The following KRT74 variants were observed in gnomAD, a reference collection of about 807,000 sequenced individuals.
KRT74 encodes the protein keratin, type II cytoskeletal 74.
Under a neutral mutation model 42.7 loss-of-function variants are expected in KRT74, and 43 were observed. The observed-to-expected ratio is 1.01, with a 90% CI of 0.79 to 1.30. The LOEUF is 1.30. Among genes scored for constraint, KRT74 ranks in the 50% most tolerant of loss-of-function variants. The pLI is 0.00. For synonymous variants in KRT74, 302 were observed against 279.0 expected (o/e 1.08, Z -0.82); for missense variants, 736 against 689.1 (o/e 1.07, Z -0.76).
At position 52,566,929 on chromosome 12, in the gene KRT74, A is replaced by G. The variant is rs537034982; in HGVS notation, c.*40T>C. The G allele has an allele frequency of 1.8e-4, 283 of 1,574,914 alleles. 4 individuals carry two copies. The South Asian group carries it at 3.1e-3, about 17-fold the overall frequency. On this transcript the variant is annotated 3_prime_UTR_variant, in exon 9 of 9. Transcript: ENST00000305620. ...AGACACCTTTGGGGGTGGCAAAGTCACCTCTTCTTCCAAGTGCTGAGGTGG... is the reference window on the plus strand; with the variant it reads ...AGACACCTTTGGGGGTGGCAAAGTCGCCTCTTCTTCCAAGTGCTGAGGTGG...
rs771224923 is a variant in KRT74, at chr12:52,573,610, A to G, written c.168T>C (p.Asn56=). Residue 56 remains asparagine (N), a synonymous_variant, in exon 1 of 9, where the codon AAT becomes AAC. Coordinates refer to ENST00000305620, the MANE Select transcript of KRT74 (RefSeq NM_175053.4). ...GSRSLYSLGG[N]RRISFNVAGG... is the part of the protein sequence containing the mutation. ...CAGCCACATTGAAAGAAATACGCCG[A>G]TTCCCTCCAAGGCTATAGAGGCTCC... 9 of 1,614,036 alleles carry G rather than the reference A, an allele frequency of 5.6e-6. No individual in the cohort carries two copies. Among genetic ancestry groups the G allele is most frequent in the Non-Finnish European group, 7.6e-6 (9 of 1,180,044 alleles).
chr12:52,572,926 G>T (rs926952927), intron 1 of KRT74, among the ~76,000 whole-genome samples: 5 of 152,184 alleles, frequency 3.3e-5, no homozygotes, highest in African/African-American at 1.2e-4. Flanking sequence ...GGTCCCAGGA[G>T]ATGTCCTTCC....
At chr12:52,569,040 A>G (rs1939427597) in intron 6 of KRT74, among the ~76,000 whole-genome samples, 1 of 152,184 alleles carries the variant, frequency 6.6e-6, no homozygotes, top group African/African-American at 2.4e-5. Flanking sequence ...GGCCAAATGT[A>G]GAGTCGTAGA....
At position 52,566,917 on chromosome 12, in the gene KRT74, G is replaced by A; in HGVS notation, c.*52C>T. The stretch of plus-strand genomic sequence containing the variant: ...CTTGGGTGTGGCAGACACCTTTGGG[G>A]GTGGCAAAGTCACCTCTTCTTCCAA... On this transcript the variant is annotated 3_prime_UTR_variant, in exon 9 of 9. Transcript: ENST00000305620. The A allele has an allele frequency of 6.6e-7, 1 of 1,526,700 alleles. No homozygotes were observed. The highest frequency in any genetic ancestry group is 1.7e-5 in the Admixed American group (1 of 57,342). The allele number at this position is 1,526,700 out of a possible 1,614,324, so 94.6% of individuals were successfully genotyped here.
intron 1 of KRT74, 103 bp downstream of exon 1, chr12:52,573,204 C>T (rs539866145): frequency 3.2e-4 from 380 of 1,170,498 alleles, no homozygotes; most frequent in Non-Finnish European, 4.6e-4. Flanking sequence ...CTTCCTGAGG[C>T]CCAGCTGCAC....
Position 52,567,055 on chromosome 12 carries a change from T to C in KRT74, c.1504A>G (p.Thr502Ala). 1.9e-6 allele frequency: 3 copies of C among 1,598,308 alleles called. No individual in the cohort carries two copies. Among genetic ancestry groups the C allele is most frequent in the Non-Finnish European group, 2.6e-6 (3 of 1,169,284 alleles). ...SGSTQSGQTK[T>A]TEARGGDLKD... is the part of the protein sequence containing the mutation. ...AGGTCTCCCCCTCGCGCCTCTGTGG[T>C]CTTGGTCTGCCCGCTCTGGGTGCTG... Residue 502 changes from threonine to alanine, a missense_variant, in exon 9 of 9, where the codon ACC becomes GCC. Transcript: ENST00000305620.
rs754032340 is a variant in KRT74 at position 52,573,317 on chromosome 12, A to T, written c.461T>A (p.Phe154Tyr). The T allele has an allele frequency of 5.6e-6, 9 of 1,614,086 alleles. No individual in the cohort carries two copies. Among genetic ancestry groups the T allele is most frequent in the Middle Eastern group, 1.6e-4 (1 of 6,062 alleles). Residue 154 changes from phenylalanine (F) to tyrosine (Y), a missense_variant, in exon 1 of 9, where the codon TTC (phenylalanine) becomes TAC (tyrosine). Coordinates refer to ENST00000305620, the MANE Select transcript of KRT74 (RefSeq NM_175053.4). ...TCCTATGAGACCCACCTTGTCAATGAAGGAGGCGAACTTGTCGTTCAGCAC... is the reference window on the plus strand; with the variant it reads ...TCCTATGAGACCCACCTTGTCAATGTAGGAGGCGAACTTGTCGTTCAGCAC... ...IKVLNDKFAS[F>Y]IDKVRFLEQQ...
intron 8 of KRT74, 84 bp from the exon 9 acceptor site, chr12:52,567,252 T>C: frequency 9.2e-6 from 11 of 1,192,756 alleles, no homozygotes; most frequent in Non-Finnish European, 1.3e-5. Context: ...CCCCAAGGGC[T>C]TCTCCACAAC....
chr12:52,573,592 A>G lies in KRT74; in HGVS notation c.186T>C (p.Asn62=), dbSNP rs756996543. 3 of 1,614,164 alleles carry G rather than the reference A, an allele frequency of 1.9e-6. No individual in the cohort carries two copies. Among genetic ancestry groups the G allele is most frequent in the African/African-American group, 1.3e-5 (1 of 75,040 alleles). ...CAGCCCGAACGCCGCCACCAGCCAC[A>G]TTGAAAGAAATACGCCGATTCCCTC... ...SLGGNRRISF[N]VAGGGVRAGG... The change falls in exon 1 of 9, where the codon AAT becomes AAC. Residue 62 remains asparagine, a synonymous_variant. Transcript: ENST00000305620.
chr12:52,570,743 C>A lies in KRT74; in HGVS notation c.934G>T (p.Ala312Ser), dbSNP rs770593595. The change falls in exon 5 of 9, where the codon GCT becomes TCT. Residue 312 changes from alanine (A) to serine (S), a missense_variant. Coordinates refer to ENST00000305620, the MANE Select transcript of KRT74 (RefSeq NM_175053.4). ...TCCTCATAATGCATGCGGACCTCAG[C>A]GATGATGCTGTCAAGGTCCAGGTCC... ...NRDLDLDSII[A>S]EVRMHYEEIA... is the part of the protein sequence containing the mutation. The A allele has an allele frequency of 1.9e-6, 3 of 1,614,248 alleles. No individual in the cohort carries two copies. The highest frequency in any genetic ancestry group is 1.7e-6 in the Non-Finnish European group (2 of 1,180,038).
In KRT74 at chr12:52,567,697, T is replaced by C; in HGVS notation, c.1356-4A>G. ...GGATGGATTCTCACCAGACATCCTG[T>C]GAGACAGAAAGTTAGAGAAAGATAA... On this transcript the variant is annotated splice_polypyrimidine_tract_variant and splice_region_variant and intron_variant, in intron 7 of 8. Coordinates refer to ENST00000305620, the MANE Select transcript of KRT74 (RefSeq NM_175053.4). 1 of 1,609,140 alleles carries C rather than the reference T, an allele frequency of 6.2e-7. No individual in the cohort carries two copies.
chr12:52,572,422 G>C (rs995165524), intron 2 of KRT74, 31 bp downstream of exon 2: 20 of 1,610,122 alleles, frequency 1.2e-5, no homozygotes, highest in Non-Finnish European at 8.5e-7. Context: ...CGGGAAACAT[G>C]GTCTGTGACC....
At position 52,572,597 on chromosome 12, in the gene KRT74, T is replaced by C. The variant is rs573109145; in HGVS notation, c.542A>G (p.Asn181Ser). The C allele has an allele frequency of 3.1e-6, 5 of 1,614,212 alleles. No homozygotes were observed. The South Asian group carries it at 5.5e-5, about 18-fold the overall frequency. The part of the protein sequence containing the change: ...KWELLQQLDL[N>S]NCKKNLEPIL... The stretch of plus-strand genomic sequence containing the variant: ...GGGCTCCAGGTTCTTCTTGCAGTTG[T>C]TCAGGTCCAGCTGCTGCAGCAGCTC... The change falls in exon 2 of 9, where the codon AAC becomes AGC. Residue 181 changes from asparagine to serine, a missense_variant. By Grantham distance (46) the Asn-to-Ser change is conservative. Coordinates refer to ENST00000305620, the MANE Select transcript of KRT74 (RefSeq NM_175053.4).
Position 52,566,951 on chromosome 12 carries a change from G to A in KRT74, c.*18C>T, listed in dbSNP as rs774625529. 1.9e-6 allele frequency: 3 copies of A among 1,601,872 alleles called. No individual in the cohort carries two copies. The highest frequency in any genetic ancestry group is 2.2e-5 in the East Asian group (1 of 44,660). On this transcript the variant is annotated 3_prime_UTR_variant, in exon 9 of 9. Transcript: ENST00000305620. ...GTCACCTCTTCTTCCAAGTGCTGAG[G>A]TGGGTGAGGCCATGGGTCTAGCGGG...
chr12:52,567,330 C>T (rs191434197), intron 8 of KRT74, among the ~76,000 whole-genome samples, 162 bp from the exon 9 acceptor site: 69 of 152,268 alleles, frequency 4.5e-4, no homozygotes, highest in Admixed American at 2.7e-3. Context: ...AACTGAGAGC[C>T]TATTACGGGC....
chr12:52,566,828 A>G lies in KRT74; in HGVS notation c.*141T>C. 1 of 632,570 alleles carries G rather than the reference A, an allele frequency of 1.6e-6. No individual in the cohort carries two copies. Among genetic ancestry groups the G allele is most frequent in the Non-Finnish European group, 2.7e-6 (1 of 374,168 alleles). The allele number at this position is 632,570 out of a possible 1,614,324, so 39.2% of individuals were successfully genotyped here. A position where few individuals can be genotyped will look rare whatever the true frequency, so the allele number is the denominator to read the frequency against. On this transcript the variant is annotated 3_prime_UTR_variant, in exon 9 of 9. Transcript: ENST00000305620. ...GTGTCAATCAGAGCTTGAAAGTAAA[A>G]GCTAAACCACGATGCAGACAGTTGA...
At chr12:52,569,467 G>A (rs1325217522) in intron 6 of KRT74, 2 of 615,916 alleles carry the variant, frequency 3.2e-6, no homozygotes, top group Non-Finnish European at 5.8e-6. Context: ...AGGAGACAGA[G>A]GGTCTGCCCT....
rs1939448912 is a variant in KRT74, at chr12:52,569,977, T to C, written c.1016A>G (p.Glu339Gly). The C allele has an allele frequency of 6.2e-7, 1 of 1,614,086 alleles. No homozygotes were observed. Among genetic ancestry groups the C allele is most frequent in the East Asian group, 2.2e-5 (1 of 44,876 alleles). ...AEALYQTKIQ[E>G]LQLAASRHGD... ...ATGCCGACTGGCTGCCAGCTGCAGC[T>C]CCTGGATCTGGTTTCCCAGAGATAG... The change falls in exon 6 of 9, where the codon GAG (glutamate) becomes GGG (glycine). Residue 339 changes from glutamate (E) to glycine (G), a missense_variant. Coordinates refer to ENST00000305620, the MANE Select transcript of KRT74 (RefSeq NM_175053.4).
chr12:52,570,940 C>T (rs928326134), intron 4 of KRT74, 107 bp from the exon 5 acceptor site: 43 of 1,294,932 alleles, frequency 3.3e-5, no homozygotes, highest in Admixed American at 7.3e-5. Context: ...CTAGGATCCA[C>T]GGGGACAAAG....
Sources: allele counts gnomAD v4.1 joint callset (sites outside exome capture counted in the v4.1 genomes callset), GRCh38; gene constraint gnomAD v4.1.1; transcripts MANE v1.5; gene names NCBI Gene and HGNC (gene_info 2026-07-23, HGNC 2026-07-21).